The following ZYG11B variants were observed in gnomAD, a reference collection of about 807,000 sequenced individuals.
ZYG11B encodes the protein zyg-11 family member B, cell cycle regulator, also known as protein zyg-11 homolog B.
A neutral mutation model predicts 82.4 loss-of-function variants in ZYG11B; 36 were observed. The observed-to-expected ratio is 0.44, with a 90% CI of 0.33 to 0.58. The LOEUF is 0.58. ZYG11B is among the 20% of genes least tolerant of loss of function. The pLI, the probability that ZYG11B is intolerant of heterozygous loss-of-function variation, is 0.02. For synonymous variants in ZYG11B, 303 were observed against 312.8 expected (o/e 0.97, Z 0.33); for missense variants, 552 against 895.6 (o/e 0.62, Z 4.90).
At chr1:52,770,620 A>G (rs1338007396) in intron 2 of ZYG11B, among the ~76,000 whole-genome samples, 1 of 152,182 alleles carries the variant, frequency 6.6e-6, no homozygotes, top group Non-Finnish European at 1.5e-5. Context: ...CGTTTGTCAT[A>G]GCAGGAAAAG....
chr1:52,789,988 C>T lies in ZYG11B; in HGVS notation c.1270-15C>T, dbSNP rs757836631. 6.5e-7 allele frequency: 1 copy of T among 1,543,172 alleles called. No individual in the cohort carries two copies. Among genetic ancestry groups the T allele is most frequent in the South Asian group, 1.3e-5 (1 of 76,776 alleles). On this transcript the variant is annotated splice_polypyrimidine_tract_variant and intron_variant, in intron 5 of 13. Coordinates refer to ENST00000294353, the MANE Select transcript of ZYG11B (RefSeq NM_024646.3). Reference sequence around the variant, plus strand: ...ATATTTTATTTAGGATTTTTTTCTTCCTTTGATTCTTTAGTTACAGAAGAA... The same window carrying T: ...ATATTTTATTTAGGATTTTTTTCTTTCTTTGATTCTTTAGTTACAGAAGAA...
Position 52,813,646 on chromosome 1 carries a change from A to C in ZYG11B, c.1806A>C (p.Ala602=), listed in dbSNP as rs754310152. 7.4e-6 allele frequency: 12 copies of C among 1,614,162 alleles called. No homozygotes were observed. The highest frequency in any genetic ancestry group is 1.0e-5 in the Non-Finnish European group (12 of 1,180,026). ...TGGAAGTGGAAGTCAGTTACTTTGCAGCTGGAATTATTGCCCATTTAATAT... is the reference window on the plus strand; with the variant it reads ...TGGAAGTGGAAGTCAGTTACTTTGCCGCTGGAATTATTGCCCATTTAATAT... The part of the protein sequence containing the change: ...HSVEVEVSYF[A]AGIIAHLISR... The change falls in exon 11 of 14, where the codon GCA becomes GCC. Residue 602 remains alanine (A), a synonymous_variant. Transcript: ENST00000294353.
chr1:52,776,235 T>A (rs1338226190), intron 3 of ZYG11B, among the ~76,000 whole-genome samples: 61 of 40,572 alleles, frequency 1.5e-3, no homozygotes, highest in African/African-American at 4.7e-3. Context: ...AAAAAATATA[T>A]ATATATATAT....
At chr1:52,805,723 G>A (rs1328789696) in intron 10 of ZYG11B, among the ~76,000 whole-genome samples, 1 of 152,084 alleles carries the variant, frequency 6.6e-6, no homozygotes, top group Non-Finnish European at 1.5e-5. Flanking sequence ...CAGCTACTCG[G>A]AAAGCTGAGG....
chr1:52,735,020 C>T (rs908418974), intron 1 of ZYG11B, among the ~76,000 whole-genome samples: 24 of 150,494 alleles, frequency 1.6e-4, no homozygotes, highest in African/African-American at 5.4e-4. Flanking sequence ...TGAGCCACTG[C>T]GCCCGGTCCA....
intron 2 of ZYG11B, among the ~76,000 whole-genome samples, chr1:52,760,113 G>A (rs536157536): frequency 1.5e-4 from 23 of 152,122 alleles, no homozygotes; most frequent in African/African-American, 5.3e-4. Flanking sequence ...GATTACAGGC[G>A]TGAGCCAGTG....
In ZYG11B at chr1:52,820,430, T is replaced by C. The variant is rs572114644; in HGVS notation, c.2045-1009T>C. ...GGGAGGCTGAGGCAGGCAGATCACT[T>C]AAGGTCAGGAGTTTGAGACTGGACT... On this transcript the variant is annotated intron_variant, in intron 13 of 13. Transcript: ENST00000294353. Among the ~76,000 whole-genome samples the C allele has an allele frequency of 1.1e-4, 16 of 151,786 alleles. No individual in the cohort carries two copies. In the South Asian group the frequency reaches 3.1e-3, roughly 30 times the overall value.
rs570899345 is a variant in ZYG11B at position 52,777,298 on chromosome 1, T to A, written c.952-2555T>A. On this transcript the variant is annotated intron_variant, in intron 3 of 13. Transcript: ENST00000294353. ...TTTCAACAATCTTAGAAATTCTTCA[T>A]ATGTACCCTTGTGTCATGTGACATA... Among the ~76,000 whole-genome samples, 4 of 152,346 alleles carry A rather than the reference T, an allele frequency of 2.6e-5. No individual in the cohort carries two copies. In the East Asian group the frequency reaches 7.7e-4, roughly 29 times the overall value.
At chr1:52,816,457 GT>G in intron 12 of ZYG11B, 74 bp from the exon 13 acceptor site, 1 of 1,017,846 alleles carries the variant, frequency 9.8e-7, no homozygotes, top group Middle Eastern at 2.1e-4. Context: ...AAAATGAAAA[GT>G]TTAGGAATCA....
At chr1:52,799,657 T>C (rs552520913) in intron 8 of ZYG11B, among the ~76,000 whole-genome samples, 1 of 151,580 alleles carries the variant, frequency 6.6e-6, no homozygotes, top group Non-Finnish European at 1.5e-5. Context: ...TAGCCAGGTG[T>C]GGTGGTACGC....
Position 52,771,055 on chromosome 1 carries a change from G to A in ZYG11B, c.232G>A (p.Gly78Ser). 1 of 1,613,452 alleles carries A rather than the reference G, an allele frequency of 6.2e-7. No individual in the cohort carries two copies. The highest frequency in any genetic ancestry group is 8.5e-7 in the Non-Finnish European group (1 of 1,179,566). ...LNDGTVGIFR[G>S]NQMRLKRACI... Reference sequence around the variant, plus strand: ...TGATGGAACTGTGGGTATTTTTAGGGGCAACCAGATGCGCTTAAAGCGAGC... The same window carrying A: ...TGATGGAACTGTGGGTATTTTTAGGAGCAACCAGATGCGCTTAAAGCGAGC... The change falls in exon 3 of 14, where the codon GGC (glycine) becomes AGC (serine). Residue 78 changes from glycine to serine, a missense_variant. This residue lies in a region of ZYG11B where 359 missense variants were observed against 555.8 expected (regional missense o/e 0.65). Transcript: ENST00000294353. The surrounding 1 kb of genome is among the most constrained non-coding windows in gnomAD (Gnocchi z 5.4).
chr1:52,810,834 A>G (rs1413266634), intron 10 of ZYG11B, among the ~76,000 whole-genome samples: 2 of 152,250 alleles, frequency 1.3e-5, no homozygotes, highest in East Asian at 3.9e-4. Context: ...CAGGAGTTCA[A>G]GACCAGCCTG....
chr1:52,802,257 T>A, intron 10 of ZYG11B, 118 bp downstream of exon 10: 1 of 846,034 alleles, frequency 1.2e-6, no homozygotes, highest in Non-Finnish European at 1.8e-6. Flanking sequence ...TAAGGCACGG[T>A]CATTGCTAAT....
chr1:52,821,713 TG>T lies in ZYG11B; in HGVS notation c.*89del. The stretch of plus-strand genomic sequence containing the variant: ...GAATATCTTACCCTCCCTGATGTTT[TG>T]GGGGTTTCTATGACAAGAGTCATAA... On this transcript the variant is annotated 3_prime_UTR_variant, in exon 14 of 14. Coordinates refer to ENST00000294353, the MANE Select transcript of ZYG11B (RefSeq NM_024646.3). 2 of 1,335,960 alleles carry T rather than the reference TG, an allele frequency of 1.5e-6. No homozygotes were observed. Among genetic ancestry groups the T allele is most frequent in the Non-Finnish European group, 2.0e-6 (2 of 977,370 alleles). The allele number at this position is 1,335,960 out of a possible 1,614,324, so 82.8% of individuals were successfully genotyped here. A position where few individuals can be genotyped will look rare whatever the true frequency, so the allele number is the denominator to read the frequency against.
intron 1 of ZYG11B, among the ~76,000 whole-genome samples, chr1:52,749,151 C>T (rs964261198): frequency 6.6e-6 from 1 of 151,968 alleles, no homozygotes; most frequent in Non-Finnish European, 1.5e-5. Flanking sequence ...TGCAGTGAGC[C>T]GAGATCGTGC....
In ZYG11B at chr1:52,774,368, C is replaced by T. The variant is rs148248058; in HGVS notation, c.951+2594C>T. Among the ~76,000 whole-genome samples, 887 of 145,880 alleles carry T rather than the reference C, an allele frequency of 6.1e-3. 13 individuals carry two copies. Among genetic ancestry groups the T allele is most frequent in the Admixed American group, 0.019 (264 of 14,152 alleles). ...CGTCACCCAGGCTGGAGTGCAATGGCGTGATCTCGGCTCACAGCAACCTCC... is the reference window on the plus strand; with the variant it reads ...CGTCACCCAGGCTGGAGTGCAATGGTGTGATCTCGGCTCACAGCAACCTCC... On this transcript the variant is annotated intron_variant, in intron 3 of 13. Transcript: ENST00000294353.
chr1:52,774,985 T>A (rs1444661363), intron 3 of ZYG11B, among the ~76,000 whole-genome samples: 1 of 152,182 alleles, frequency 6.6e-6, no homozygotes, highest in Non-Finnish European at 1.5e-5. Context: ...TTCATTTTAT[T>A]TGACCCAAAG....
chr1:52,811,305 C>G (rs1195320068), intron 10 of ZYG11B, among the ~76,000 whole-genome samples: 1 of 152,066 alleles, frequency 6.6e-6, no homozygotes, highest in African/African-American at 2.4e-5. Flanking sequence ...ATTATTTCTG[C>G]AAATACCTTT....
In ZYG11B at chr1:52,771,628, G is replaced by C; in HGVS notation, c.805G>C (p.Val269Leu). The change falls in exon 3 of 14, where the codon GTT becomes CTT. Residue 269 changes from valine (V) to leucine (L), a missense_variant. Coordinates refer to ENST00000294353, the MANE Select transcript of ZYG11B (RefSeq NM_024646.3). The surrounding 1 kb of genome is among the most constrained non-coding windows in gnomAD (Gnocchi z 5.4). ...ACAAAAAGACATCCTACCTAACCTT[G>C]TTTCTCTGGATGTTTCTGGGAGAAA... ...LEQKDILPNL[V>L]SLDVSGRKHV... 6.2e-7 allele frequency: 1 copy of C among 1,614,172 alleles called. No homozygotes were observed. Among genetic ancestry groups the C allele is most frequent in the Non-Finnish European group, 8.5e-7 (1 of 1,180,034 alleles).
Sources: allele counts gnomAD v4.1 joint callset (sites outside exome capture counted in the v4.1 genomes callset), GRCh38; gene constraint gnomAD v4.1.1; regional missense constraint gnomAD v4.1.1; non-coding constraint Gnocchi (gnomAD v3.1); transcripts MANE v1.5; gene names NCBI Gene and HGNC (gene_info 2026-07-23, HGNC 2026-07-21).